The following STXBP4 variants were observed in gnomAD, a reference collection of about 807,000 sequenced individuals.
STXBP4 encodes syntaxin-binding protein 4.
STXBP4 carries 55 observed loss-of-function variants against 76.1 expected under a neutral mutation model. That is an observed-to-expected ratio of 0.72 (90% CI 0.58 to 0.91). The LOEUF is 0.91. Ranked by LOEUF, STXBP4 falls within the 40% of genes least tolerant of loss-of-function variation. The pLI is 0.00. For missense variants in STXBP4, 618 were observed against 636.9 expected (o/e 0.97, Z 0.32); for synonymous variants, 201 against 220.2 (o/e 0.91, Z 0.77).
intron 16 of STXBP4, among the ~76,000 whole-genome samples, chr17:55,124,915 C>T (rs2079891775): frequency 6.6e-6 from 1 of 152,126 alleles, no homozygotes; most frequent in Non-Finnish European, 1.5e-5. Context: ...GGTGGGGTGG[C>T]TCTTGTCCCT....
intron 10 of STXBP4, among the ~76,000 whole-genome samples, chr17:55,034,518 A>G (rs1410708328): frequency 6.6e-6 from 1 of 152,100 alleles, no homozygotes; most frequent in African/African-American, 2.4e-5. Flanking sequence ...GATACGTGCT[A>G]TAACTAGCTA....
chr17:55,032,722 T>C (rs1179363748), intron 9 of STXBP4, among the ~76,000 whole-genome samples: 1 of 152,124 alleles, frequency 6.6e-6, no homozygotes, highest in African/African-American at 2.4e-5. Context: ...GCAAGGGAGT[T>C]TGTGGAGTAT....
the STXBP4 span, among the ~76,000 whole-genome samples, chr17:55,196,526 TACTC>T: frequency 6.6e-6 from 1 of 152,242 alleles, no homozygotes; most frequent in South Asian, 2.1e-4. Context: ...TGTATTCCCT[TACTC>T]ACCATAGAGA....
chr17:55,141,455 A>G, intron 17 of STXBP4, 88 bp downstream of exon 17: 1 of 1,183,378 alleles, frequency 8.5e-7, no homozygotes, highest in Non-Finnish European at 1.2e-6. Flanking sequence ...AAAACTAAGA[A>G]ACCTTCTTGG....
At chr17:55,197,943 T>C in the STXBP4 span, among the ~76,000 whole-genome samples, 2 of 152,056 alleles carry the variant, frequency 1.3e-5, no homozygotes, top group Non-Finnish European at 2.9e-5. Flanking sequence ...AAACAAAGAA[T>C]TGGACAAAAC....
Position 55,047,098 on chromosome 17 carries a change from T to C in STXBP4, c.955T>C (p.Leu319=), listed in dbSNP as rs747828157. 3 of 1,603,052 alleles carry C rather than the reference T, an allele frequency of 1.9e-6. No individual in the cohort carries two copies. Among genetic ancestry groups the C allele is most frequent in the South Asian group, 1.1e-5 (1 of 90,312 alleles). The stretch of plus-strand genomic sequence containing the variant: ...TGGTTTTTAAATATAGGAAAAATTA[T>C]TGGAATCAGATAAGCAAAGGAAACA... ...KEVNTLKEKL[L]ESDKQRKQLT... The change falls in exon 12 of 18, where the codon TTG becomes CTG. Residue 319 remains leucine, a synonymous_variant. Coordinates refer to ENST00000376352, the MANE Select transcript of STXBP4 (RefSeq NM_178509.6).
chr17:55,118,522 TG>T (rs2145080962), intron 16 of STXBP4, among the ~76,000 whole-genome samples: 1 of 152,108 alleles, frequency 6.6e-6, no homozygotes, highest in East Asian at 1.9e-4. Flanking sequence ...AAGATGTTAT[TG>T]GCAAGTTGTC....
At chr17:54,972,614 A>G (rs1043514853) in intron 1 of STXBP4, among the ~76,000 whole-genome samples, 1 of 152,090 alleles carries the variant, frequency 6.6e-6, no homozygotes, top group African/African-American at 2.4e-5. Context: ...TGGCACTACA[A>G]TGTGCCATGC....
At chr17:54,968,946 T>TC in intron 1 of STXBP4, 131 bp downstream of exon 1, 1 of 332,346 alleles carries the variant, frequency 3.0e-6, no homozygotes, top group East Asian at 5.8e-5. Flanking sequence ...GCGCCTGTGA[T>TC]CTTTATTTAA....
chr17:55,126,441 A>G (rs1360214299), intron 16 of STXBP4, among the ~76,000 whole-genome samples: 2 of 152,354 alleles, frequency 1.3e-5, no homozygotes, highest in East Asian at 1.9e-4. Flanking sequence ...CTTTTAAAAA[A>G]TCAGAACAGT....
intron 9 of STXBP4, among the ~76,000 whole-genome samples, chr17:55,032,093 T>C (rs1002829897): frequency 1.3e-5 from 2 of 152,196 alleles, no homozygotes; most frequent in African/African-American, 4.8e-5. Context: ...TACATATTGG[T>C]AAATTGTTTT....
At chr17:55,085,796 GTC>G (rs994712347) in intron 16 of STXBP4, among the ~76,000 whole-genome samples, 6 of 152,110 alleles carry the variant, frequency 3.9e-5, no homozygotes, top group Middle Eastern at 3.4e-3. Flanking sequence ...CACTCATAGT[GTC>G]TACTCAGTTT....
At chr17:55,018,284 A>G (rs1411218189) in intron 8 of STXBP4, among the ~76,000 whole-genome samples, 1 of 152,224 alleles carries the variant, frequency 6.6e-6, no homozygotes, top group Non-Finnish European at 1.5e-5. Flanking sequence ...GCAATGGGCA[A>G]CTTGCTGGAT....
intron 12 of STXBP4, among the ~76,000 whole-genome samples, chr17:55,066,067 C>T (rs1312536876): frequency 6.6e-6 from 1 of 152,132 alleles, no homozygotes; most frequent in Admixed American, 6.5e-5. Flanking sequence ...TTATTACACA[C>T]TTTATAAATG....
chr17:54,995,932 G>A lies in STXBP4; in HGVS notation c.181-3413G>A, dbSNP rs367549803. Reference sequence around the variant, plus strand: ...TGTACCAGGGAAATAACCATGAAAAGGACAGAGTTCTAGTTATGCCTAATG... The same window carrying A: ...TGTACCAGGGAAATAACCATGAAAAAGACAGAGTTCTAGTTATGCCTAATG... On this transcript the variant is annotated intron_variant, in intron 4 of 17. Transcript: ENST00000376352. Among the ~76,000 whole-genome samples the A allele has an allele frequency of 1.5e-3, 221 of 152,200 alleles. 7 individuals carry two copies. In the South Asian group the frequency reaches 0.045, roughly 31 times the overall value.
Position 54,999,847 on chromosome 17 carries a change from G to A in STXBP4, c.498+5G>A. ...GACATTTTATCTTCTTGTGAGGTAA[G>A]TCAGGTAATCTTAAATTTCTCTATA... On this transcript the variant is annotated splice_donor_5th_base_variant and intron_variant, in intron 6 of 17. Coordinates refer to ENST00000376352, the MANE Select transcript of STXBP4 (RefSeq NM_178509.6). 1 of 1,598,232 alleles carries A rather than the reference G, an allele frequency of 6.3e-7. No homozygotes were observed.
intron 8 of STXBP4, among the ~76,000 whole-genome samples, chr17:55,008,177 G>T (rs544926126): frequency 6.6e-6 from 1 of 151,414 alleles, no homozygotes; most frequent in African/African-American, 2.4e-5. Flanking sequence ...GCATTTATCA[G>T]GTTACCAGGG....
At chr17:55,007,484 T>C in intron 7 of STXBP4, 22 bp from the exon 8 acceptor site, 1 of 1,569,686 alleles carries the variant, frequency 6.4e-7, no homozygotes, top group Non-Finnish European at 8.8e-7. Context: ...TCCCAATTAA[T>C]GTGCACCCTG....
chr17:55,054,432 T>C (rs1170269182), intron 12 of STXBP4, among the ~76,000 whole-genome samples: 1 of 151,984 alleles, frequency 6.6e-6, no homozygotes, highest in African/African-American at 2.4e-5. Context: ...GAGGCTGCAG[T>C]GAGCTGAGAC....
Sources: allele counts gnomAD v4.1 joint callset (sites outside exome capture counted in the v4.1 genomes callset), GRCh38; gene constraint gnomAD v4.1.1; transcripts MANE v1.5; gene names NCBI Gene and HGNC (gene_info 2026-07-23, HGNC 2026-07-21).